SHISA9: variants seen among roughly 807,000 people sequenced by gnomAD.
SHISA9 encodes the protein protein shisa-9.
Under a neutral mutation model 38.0 loss-of-function variants are expected in SHISA9, and 13 were observed. That is an observed-to-expected ratio of 0.34 (90% CI 0.22 to 0.54). SHISA9 has a LOEUF of 0.54. SHISA9 is among the 20% of genes least tolerant of loss of function. The pLI is 0.91. For synonymous variants in SHISA9, 275 were observed against 242.0 expected (o/e 1.14, Z -1.27); for missense variants, 538 against 575.8 (o/e 0.93, Z 0.67).
chr16:13,254,439 A>G, the SHISA9 span, among the ~76,000 whole-genome samples: 2 of 152,190 alleles, frequency 1.3e-5, no homozygotes, highest in Non-Finnish European at 2.9e-5. Context: ...TTATTATGTC[A>G]CCAGCCTTGG....
At chr16:13,038,441 C>T (rs2073098477) in intron 2 of SHISA9, among the ~76,000 whole-genome samples, 1 of 152,240 alleles carries the variant, frequency 6.6e-6, no homozygotes, top group African/African-American at 2.4e-5. Context: ...TTGTGCTAGT[C>T]CCTGCACCCC....
At chr16:13,278,442 G>T in the SHISA9 span, among the ~76,000 whole-genome samples, 1 of 151,974 alleles carries the variant, frequency 6.6e-6, no homozygotes. Flanking sequence ...AAATGAATTT[G>T]GTAGGGTTCC....
At chr16:13,016,752 C>T (rs1006334546) in intron 2 of SHISA9, among the ~76,000 whole-genome samples, 3 of 152,050 alleles carry the variant, frequency 2.0e-5, no homozygotes, top group Non-Finnish European at 2.9e-5. Flanking sequence ...CATATGTTTA[C>T]GGAGAGAACT....
intron 2 of SHISA9, among the ~76,000 whole-genome samples, chr16:12,959,221 A>T (rs2141789298): frequency 6.6e-6 from 1 of 152,346 alleles, no homozygotes; most frequent in Non-Finnish European, 1.5e-5. Context: ...ATTAATAATG[A>T]ACCTGATTCC....
intron 4 of SHISA9, among the ~76,000 whole-genome samples, chr16:13,225,498 A>C (rs764723089): frequency 1.6e-4 from 24 of 152,178 alleles, no homozygotes; most frequent in Non-Finnish European, 2.8e-4. Flanking sequence ...TGAGAAGATT[A>C]ATTGCTGTCT....
intron 1 of SHISA9, chr16:12,911,527 AT>A: frequency 3.0e-6 from 1 of 332,398 alleles, no homozygotes; most frequent in Non-Finnish European, 4.3e-6. Flanking sequence ...TGAAATAAAT[AT>A]TATTTGAAAA....
the SHISA9 span, among the ~76,000 whole-genome samples, chr16:13,387,255 A>G: frequency 2.0e-5 from 3 of 152,202 alleles, no homozygotes; most frequent in Admixed American, 2.0e-4. Flanking sequence ...ATTTGGAAAT[A>G]GAATTGTTGT....
At chr16:13,302,863 G>A in the SHISA9 span, among the ~76,000 whole-genome samples, 1 of 152,162 alleles carries the variant, frequency 6.6e-6, no homozygotes, top group Admixed American at 6.5e-5. Context: ...TCATGATCGT[G>A]AGTGAGTTCT....
intron 4 of SHISA9, among the ~76,000 whole-genome samples, chr16:13,221,294 C>T (rs773571232): frequency 6.6e-6 from 1 of 152,186 alleles, no homozygotes; most frequent in Non-Finnish European, 1.5e-5. Flanking sequence ...AAAGACAAAT[C>T]TTCCATCTAC....
the SHISA9 span, among the ~76,000 whole-genome samples, chr16:13,415,257 A>G: frequency 3.9e-5 from 6 of 152,354 alleles, no homozygotes; most frequent in East Asian, 9.6e-4. Flanking sequence ...CTATGCAGCT[A>G]TAAAAAAGAA....
rs74012284 is a variant in SHISA9, at chr16:13,137,451, T to C, written c.692-65943T>C. ...GTTAGAGAGCCCATAACGGAGGATC[T>C]AATCTTTTTATTTTTTTTTTTTTGA... On this transcript the variant is annotated intron_variant, in intron 2 of 4. Transcript: ENST00000558583. 3.3e-3 allele frequency among the ~76,000 whole-genome samples: 509 copies of C among 151,956 alleles called. 5 individuals are homozygous for C. Among genetic ancestry groups the C allele is most frequent in the African/African-American group, 0.012 (487 of 41,498 alleles).
the SHISA9 span, among the ~76,000 whole-genome samples, chr16:13,387,579 T>G: frequency 6.6e-6 from 1 of 151,616 alleles, no homozygotes; most frequent in African/African-American, 2.4e-5. Flanking sequence ...AACCCTCGCC[T>G]CCTGGGTTCA....
chr16:12,934,857 C>A (rs2071508273), intron 2 of SHISA9, among the ~76,000 whole-genome samples: 1 of 152,156 alleles, frequency 6.6e-6, no homozygotes, highest in Non-Finnish European at 1.5e-5. Flanking sequence ...GTCAATTCTT[C>A]TTCAGACTTA....
chr16:13,230,017 G>A (rs1410912845), intron 4 of SHISA9, among the ~76,000 whole-genome samples: 1 of 152,104 alleles, frequency 6.6e-6, no homozygotes, highest in Admixed American at 6.5e-5. Flanking sequence ...GGGATTATTT[G>A]ACCACCATCT....
At chr16:13,031,029 A>G (rs919226676) in intron 2 of SHISA9, among the ~76,000 whole-genome samples, 2 of 152,300 alleles carry the variant, frequency 1.3e-5, no homozygotes, top group East Asian at 1.9e-4. Context: ...GCCTGAGCCC[A>G]TATCTTCCAG....
chr16:13,478,894 A>C, the SHISA9 span, among the ~76,000 whole-genome samples: 1 of 152,180 alleles, frequency 6.6e-6, no homozygotes, highest in African/African-American at 2.4e-5. Context: ...CCATTAGTGC[A>C]TCTGATGTTT....
the SHISA9 span, among the ~76,000 whole-genome samples, chr16:13,403,580 A>T: frequency 9.8e-5 from 15 of 152,332 alleles, no homozygotes; most frequent in African/African-American, 3.4e-4. Flanking sequence ...AGTGCTGGAA[A>T]TGGAGATAGT....
chr16:12,990,181 T>C (rs370474875), intron 2 of SHISA9, among the ~76,000 whole-genome samples: 47 of 152,320 alleles, frequency 3.1e-4, no homozygotes, highest in Middle Eastern at 3.4e-3. Flanking sequence ...CAGTCTGTCA[T>C]TGATGGGCAT....
chr16:12,906,398 C>T (rs1340478178), intron 1 of SHISA9, among the ~76,000 whole-genome samples: 2 of 152,096 alleles, frequency 1.3e-5, no homozygotes, highest in Non-Finnish European at 2.9e-5. Context: ...GGGCCTGTGG[C>T]CTGCTTGCTT....
Sources: allele counts gnomAD v4.1 joint callset (sites outside exome capture counted in the v4.1 genomes callset), GRCh38; gene constraint gnomAD v4.1.1; transcripts MANE v1.5; gene names NCBI Gene and HGNC (gene_info 2026-07-23, HGNC 2026-07-21).